PCDH15: variants seen among roughly 807,000 people sequenced by gnomAD.
PCDH15 encodes the protein protocadherin-15.
Under a neutral mutation model 178.5 loss-of-function variants are expected in PCDH15, and 129 were observed. That is an observed-to-expected ratio of 0.72 (90% CI 0.63 to 0.84). PCDH15 has a LOEUF of 0.84. Among genes scored for constraint, PCDH15 ranks in the 40% least tolerant of loss-of-function variants. The pLI is 0.00. For synonymous variants in PCDH15, 800 were observed against 732.0 expected, an observed-to-expected ratio of 1.09 and a Z score of -1.50; for missense variants, 2,230 against 2,099.9, an observed-to-expected ratio of 1.06 and a Z score of -1.21.
In PCDH15 at chr10:54,061,704, A is replaced by G. The variant is rs559050211; in HGVS notation, c.2220+5053T>C. ...TTGACACAGAGTATATACTTACTGT[A>G]TTTACTAGGTTTTGAGTATATCTTT... On this transcript the variant is annotated intron_variant, in intron 18 of 37. Transcript: ENST00000644397. 8.5e-5 allele frequency among the ~76,000 whole-genome samples: 13 copies of G among 152,142 alleles called. No individual in the cohort carries two copies. In the South Asian group the frequency reaches 2.7e-3, roughly 32 times the overall value.
intron 9 of PCDH15, among the ~76,000 whole-genome samples, chr10:54,233,801 T>A (rs1376615812): frequency 6.6e-6 from 1 of 152,204 alleles, no homozygotes; most frequent in Non-Finnish European, 1.5e-5. Context: ...ATGTTAAACT[T>A]TTTAAAACTC....
chr10:54,950,320 G>A (rs1733781), intron 2 of PCDH15, among the ~76,000 whole-genome samples: 25,368 of 151,854 alleles, frequency 0.17, 2,377 homozygotes, highest in East Asian at 0.24. Context: ...ATCTCATCTT[G>A]TAGCTCCCAT....
At chr10:54,251,894 T>C (rs1028888773) in intron 8 of PCDH15, among the ~76,000 whole-genome samples, 5 of 152,166 alleles carry the variant, frequency 3.3e-5, no homozygotes, top group Non-Finnish European at 7.4e-5. Flanking sequence ...CTTAATTAAA[T>C]TTTATTTCTT....
intron 2 of PCDH15, among the ~76,000 whole-genome samples, chr10:55,332,213 ATG>A (rs201704379): frequency 0.012 from 1,817 of 152,272 alleles, 50 homozygotes; most frequent in African/African-American, 0.042. Flanking sequence ...ATAAAGATAT[ATG>A]TCTTTTATAT....
At chr10:55,532,435 C>T (rs144271956) in intron 2 of PCDH15, among the ~76,000 whole-genome samples, 5 of 152,086 alleles carry the variant, frequency 3.3e-5, no homozygotes, top group African/African-American at 1.2e-4. Flanking sequence ...ATTTATTTAA[C>T]AAACATTTTC....
At chr10:54,604,187 T>C (rs11815482) in intron 2 of PCDH15, among the ~76,000 whole-genome samples, 1 of 151,970 alleles carries the variant, frequency 6.6e-6, no homozygotes, top group Admixed American at 6.6e-5. Context: ...AGTTGTTTTG[T>C]TATCTAATAG....
At chr10:54,164,021 G>C (rs750981048) in intron 13 of PCDH15, among the ~76,000 whole-genome samples, 1 of 152,138 alleles carries the variant, frequency 6.6e-6, no homozygotes, top group Non-Finnish European at 1.5e-5. Flanking sequence ...CTTTGGCGAA[G>C]TTTGGACAGA....
intron 2 of PCDH15, among the ~76,000 whole-genome samples, chr10:54,613,493 T>TCACA (rs1164192874): frequency 1.8e-4 from 26 of 144,172 alleles, no homozygotes; most frequent in African/African-American, 6.9e-4. Flanking sequence ...TGTCTCTCTC[T>TCACA]CACACACACA....
intron 3 of PCDH15, among the ~76,000 whole-genome samples, chr10:54,822,533 T>G (rs976453412): frequency 6.6e-6 from 1 of 152,206 alleles, no homozygotes; most frequent in Non-Finnish European, 1.5e-5. Context: ...TCTATTCATC[T>G]TTTGATGAAA....
At chr10:54,945,466 T>C (rs189503165) in intron 2 of PCDH15, among the ~76,000 whole-genome samples, 2,163 of 151,802 alleles carry the variant, frequency 0.014, 25 homozygotes, top group South Asian at 0.03. Flanking sequence ...TTTGCCTTTT[T>C]TTTTTGGTGT....
chr10:55,507,288 A>T (rs1840778305), intron 2 of PCDH15, among the ~76,000 whole-genome samples: 1 of 151,612 alleles, frequency 6.6e-6, no homozygotes. Context: ...TATAATGCAC[A>T]GTAATTCTTG....
chr10:54,609,056 A>G (rs764631056), intron 2 of PCDH15, among the ~76,000 whole-genome samples: 8 of 152,136 alleles, frequency 5.3e-5, no homozygotes, highest in Admixed American at 5.2e-4. Context: ...ATAAAAAATT[A>G]TTCAATGTGA....
At chr10:54,090,643 CAAAAAA>C (rs34617225) in intron 15 of PCDH15, among the ~76,000 whole-genome samples, 1 of 118,106 alleles carries the variant, frequency 8.5e-6, no homozygotes, top group Non-Finnish European at 1.8e-5. Flanking sequence ...GATCTTGTCT[CAAAAAA>C]AAAAAAAAAA....
At chr10:54,748,520 G>A (rs1945773820) in intron 1 of PCDH15, among the ~76,000 whole-genome samples, 1 of 152,010 alleles carries the variant, frequency 6.6e-6, no homozygotes, top group East Asian at 1.9e-4. Flanking sequence ...TACCCCATGT[G>A]TCCCCACGGT....
At chr10:54,333,005 G>A (rs1248450374) in intron 6 of PCDH15, among the ~76,000 whole-genome samples, 1 of 152,074 alleles carries the variant, frequency 6.6e-6, no homozygotes, top group East Asian at 1.9e-4. Flanking sequence ...GTGCAGTGGT[G>A]CAATCTCAGC....
chr10:54,373,621 A>C (rs1220701848), intron 4 of PCDH15, among the ~76,000 whole-genome samples: 1 of 152,012 alleles, frequency 6.6e-6, no homozygotes, highest in Admixed American at 6.6e-5. Flanking sequence ...ATTTAATGGT[A>C]GGTATTTGTT....
chr10:53,988,801 G>A (rs1204629945), intron 21 of PCDH15, among the ~76,000 whole-genome samples: 1 of 151,794 alleles, frequency 6.6e-6, no homozygotes, highest in East Asian at 1.9e-4. Flanking sequence ...TTGGGACCCA[G>A]GTCCTGTGAG....
At chr10:55,367,932 A>T (rs1040924388) in intron 2 of PCDH15, among the ~76,000 whole-genome samples, 1 of 152,132 alleles carries the variant, frequency 6.6e-6, no homozygotes, top group Non-Finnish European at 1.5e-5. Context: ...CAAATACAGG[A>T]TTTCTCAAGA....
chr10:54,297,769 T>C (rs989296120), intron 8 of PCDH15, among the ~76,000 whole-genome samples: 3 of 152,162 alleles, frequency 2.0e-5, no homozygotes, highest in African/African-American at 7.2e-5. Flanking sequence ...GGGGAACTTT[T>C]CAGATGATCC....
Sources: allele counts gnomAD v4.1 joint callset (sites outside exome capture counted in the v4.1 genomes callset), GRCh38; gene constraint gnomAD v4.1.1; transcripts MANE v1.5; gene names NCBI Gene and HGNC (gene_info 2026-07-23, HGNC 2026-07-21).